The following KIF15 variants were observed in gnomAD, a reference collection of about 807,000 sequenced individuals.
KIF15 encodes kinesin family member 15.
In KIF15, 140 loss-of-function variants were observed where a neutral mutation model predicts 190.6. That is an observed-to-expected ratio of 0.73 (90% CI 0.64 to 0.84). The LOEUF (loss-of-function observed/expected upper bound fraction) is 0.84. Ranked by LOEUF, KIF15 falls within the 40% of genes least tolerant of loss-of-function variation. The pLI, the probability that KIF15 is intolerant of heterozygous loss-of-function variation, is 0.00. For synonymous variants in KIF15, 528 were observed against 551.3 expected (o/e 0.96, Z 0.59); for missense variants, 1,372 against 1,584.4 (o/e 0.87, Z 2.28).
intron 24 of KIF15, among the ~76,000 whole-genome samples, chr3:44,828,598 A>G (rs150237243): frequency 9.3e-4 from 142 of 152,334 alleles, no homozygotes; most frequent in African/African-American, 3.3e-3. Context: ...TGTTGACTCT[A>G]AGTCCCATGA....
In KIF15 at chr3:44,851,794, G is replaced by C; in HGVS notation, c.3814G>C (p.Glu1272Gln). 6 of 1,611,950 alleles carry C rather than the reference G, an allele frequency of 3.7e-6. No individual in the cohort carries two copies. The highest frequency in any genetic ancestry group is 1.7e-4 in the Middle Eastern group (1 of 6,050). The change falls in exon 33 of 35, where the codon GAA becomes CAA. Residue 1272 changes from glutamate (E) to glutamine (Q), a missense_variant. Transcript: ENST00000326047. Reference sequence around the variant, plus strand: ...GATAACCTATTCCTACAGCCTAGAAGAAGTCCAAAGTGCCCTTTACAACAA... The same window carrying C: ...GATAACCTATTCCTACAGCCTAGAACAAGTCCAAAGTGCCCTTTACAACAA... ...EMLKMKADLE[E>Q]VQSALYNKEM...
intron 26 of KIF15, among the ~76,000 whole-genome samples, chr3:44,835,547 A>C (rs1239927730): frequency 6.6e-6 from 1 of 152,116 alleles, no homozygotes; most frequent in African/African-American, 2.4e-5. Flanking sequence ...CCTGGCCTCA[A>C]ATCCCAGTAT....
chr3:44,790,489 G>A, intron 7 of KIF15, among the ~76,000 whole-genome samples: 1 of 152,198 alleles, frequency 6.6e-6, no homozygotes, highest in African/African-American at 2.4e-5. Flanking sequence ...AGGACCTGCT[G>A]TGGACTCCTT....
chr3:44,768,216 G>A (rs1330994836), intron 1 of KIF15, among the ~76,000 whole-genome samples: 1 of 151,662 alleles, frequency 6.6e-6, no homozygotes, highest in Non-Finnish European at 1.5e-5. Flanking sequence ...GGAGGTTGCA[G>A]TGAGCCAAGA....
At chr3:44,852,181 T>A (rs1305245023) in intron 33 of KIF15, 27 bp from the exon 34 acceptor site, 2 of 1,588,390 alleles carry the variant, frequency 1.3e-6, no homozygotes, top group East Asian at 4.5e-5. Context: ...CTTCTCATTT[T>A]TCCCTCCTTG....
intron 3 of KIF15, among the ~76,000 whole-genome samples, chr3:44,776,079 CAA>C (rs879571270): frequency 1.3e-4 from 13 of 101,036 alleles, no homozygotes; most frequent in East Asian, 2.8e-4. Context: ...GACTCTGTCT[CAA>C]AAAAAAAAAA....
At chr3:44,856,683 G>T (rs1011717362), downstream of KIF15, among the ~76,000 whole-genome samples, 1 of 152,176 alleles carries the variant, frequency 6.6e-6, no homozygotes, top group Non-Finnish European at 1.5e-5. Flanking sequence ...GCATTGCCCT[G>T]AGCGATAGGA....
At chr3:44,860,056 CA>C (rs1386853771) in intron 6 of KIF15, among the ~76,000 whole-genome samples, 3 of 152,150 alleles carry the variant, frequency 2.0e-5, no homozygotes, top group Non-Finnish European at 4.4e-5. Flanking sequence ...GAGAAACAGA[CA>C]ACCAGAGGAA....
At chr3:44,806,505 GA>G (rs796140495) in intron 16 of KIF15, among the ~76,000 whole-genome samples, 2 of 150,300 alleles carry the variant, frequency 1.3e-5, no homozygotes, top group Non-Finnish European at 3.0e-5. Flanking sequence ...CCTCATAAAA[GA>G]AAAAAAAATG....
At chr3:44,794,041 T>C (rs1053630212) in intron 7 of KIF15, among the ~76,000 whole-genome samples, 176 bp from the exon 8 acceptor site, 1 of 152,024 alleles carries the variant, frequency 6.6e-6, no homozygotes, top group Non-Finnish European at 1.5e-5. Flanking sequence ...CCACTGTACA[T>C]AGCAAATTAT....
intron 8 of KIF15, among the ~76,000 whole-genome samples, chr3:44,796,004 G>C (rs1706959533): frequency 6.6e-6 from 1 of 152,076 alleles, no homozygotes; most frequent in Non-Finnish European, 1.5e-5. Flanking sequence ...TGAGATTACA[G>C]GCGCCCACCA....
chr3:44,802,057 T>C, intron 13 of KIF15, 83 bp downstream of exon 13: 1 of 911,702 alleles, frequency 1.1e-6, no homozygotes, highest in Non-Finnish European at 1.7e-6. Flanking sequence ...ACTTGTTCTT[T>C]AATACAATGG....
chr3:44,790,644 CTT>C (rs962056678), intron 7 of KIF15, among the ~76,000 whole-genome samples: 9 of 146,310 alleles, frequency 6.2e-5, no homozygotes, highest in Admixed American at 6.1e-4. Flanking sequence ...ACTGAACATT[CTT>C]TTGATTACCA....
Position 44,830,958 on chromosome 3 carries a change from A to G in KIF15, c.3111A>G (p.Glu1037=), listed in dbSNP as rs34791294. The G allele has an allele frequency of 2.3e-3, 3,641 of 1,614,004 alleles. 50 individuals are homozygous for G. In the African/African-American group the frequency reaches 0.033, roughly 15 times the overall value. Residue 1037 remains glutamate (E), a synonymous_variant, in exon 26 of 35, where the codon GAA becomes GAG. Transcript: ENST00000326047. The stretch of plus-strand genomic sequence containing the variant: ...GCAGAGTGTTGATCAAGAAGCAGGA[A>G]GTGGATATTCTGGATCTGAAAGAAA... ...EESRVLIKKQ[E]VDILDLKETL...
downstream of KIF15, among the ~76,000 whole-genome samples, chr3:44,854,155 C>T (rs1699154858): frequency 6.6e-6 from 1 of 152,134 alleles, no homozygotes; most frequent in Non-Finnish European, 1.5e-5. Context: ...GAGGCCAAGG[C>T]AGGTGGATCA....
chr3:44,846,808 G>A (rs946159486), intron 30 of KIF15, among the ~76,000 whole-genome samples: 20 of 149,484 alleles, frequency 1.3e-4, no homozygotes, highest in South Asian at 4.2e-4. Flanking sequence ...TCATTTCATA[G>A]CCTCACATTC....
At chr3:44,838,068 A>G (rs1698412850) in intron 26 of KIF15, among the ~76,000 whole-genome samples, 9 of 152,188 alleles carry the variant, frequency 5.9e-5, no homozygotes, top group Admixed American at 4.6e-4. Context: ...ATACCTATAT[A>G]TGTTTACTGT....
intron 1 of KIF15, among the ~76,000 whole-genome samples, chr3:44,764,637 A>G (rs1575566644): frequency 4.6e-5 from 7 of 152,078 alleles, no homozygotes; most frequent in Admixed American, 6.6e-5. Context: ...TATAGACTTC[A>G]TTTTTTTCTT....
rs1376754511 is a variant in KIF15 at position 44,802,987 on chromosome 3, C to T, written c.1683C>T (p.Asp561=). The change falls in exon 14 of 35, where the codon GAC becomes GAT. Residue 561 remains aspartate (D), a synonymous_variant. Transcript: ENST00000326047. ...FSEISGMEKS[D]KNQQGFSPKA... is the part of the protein sequence containing the mutation. ...AAATAAGTGGCATGGAGAAAAGTGA[C>T]AAAAGTAAGAAATGATTGTTGTATA... The T allele has an allele frequency of 1.9e-6, 3 of 1,591,064 alleles. No homozygotes were observed. The South Asian group carries it at 3.5e-5, about 18-fold the overall frequency.
Sources: allele counts gnomAD v4.1 joint callset (sites outside exome capture counted in the v4.1 genomes callset), GRCh38; gene constraint gnomAD v4.1.1; transcripts MANE v1.5; gene names NCBI Gene and HGNC (gene_info 2026-07-23, HGNC 2026-07-21).